The following CBR4 variants were observed in gnomAD, a reference collection of about 807,000 sequenced individuals.
CBR4 encodes the protein carbonyl reductase 4.
Under a neutral mutation model 21.0 loss-of-function variants are expected in CBR4, and 22 were observed. The ratio of observed to expected loss-of-function variants is 1.05; its 90% CI spans 0.75 to 1.50. CBR4 has a LOEUF of 1.50. Among genes scored for constraint, CBR4 ranks in the 40% most tolerant of loss-of-function variants. The probability of loss-of-function intolerance (pLI) is 0.00; values close to 1 mark genes in which losing one functional copy is unlikely to be tolerated. For synonymous variants in CBR4, 100 were observed against 104.4 expected (o/e 0.96, Z 0.26); for missense variants, 302 against 286.3 (o/e 1.05, Z -0.40).
chr4:169,008,953 T>G (rs1173744809), intron 1 of CBR4: 1 of 454,696 alleles, frequency 2.2e-6, no homozygotes, highest in Non-Finnish European at 4.4e-6. Flanking sequence ...CAGCCACACC[T>G]GGCGTCTATA....
At chr4:168,916,125 A>C (rs1225731727) in intron 2 of CBR4, 1 of 1,221,130 alleles carries the variant, frequency 8.2e-7, no homozygotes, top group Non-Finnish European at 1.2e-6. Context: ...TAAAGTATAA[A>C]ATGAGAGCTG....
downstream of CBR4, among the ~76,000 whole-genome samples, chr4:168,986,043 A>G (rs1413722968): frequency 6.6e-6 from 1 of 151,526 alleles, no homozygotes; most frequent in Non-Finnish European, 1.5e-5. Context: ...CTACATATGT[A>G]CCCCCTAAAT....
chr4:168,999,485 G>T (rs186863571), intron 4 of CBR4, among the ~76,000 whole-genome samples: 2 of 151,770 alleles, frequency 1.3e-5, no homozygotes, highest in East Asian at 3.9e-4. Flanking sequence ...ATACATAAAG[G>T]CCACTCTATT....
intron 4 of CBR4, 141 bp downstream of exon 4, chr4:169,001,930 T>C: frequency 1.2e-6 from 1 of 839,868 alleles, no homozygotes; most frequent in Non-Finnish European, 1.7e-6. Context: ...TTTTTTTGAG[T>C]CCCCCAGTTC....
chr4:168,941,501 T>G (rs1763263859), intron 2 of CBR4, among the ~76,000 whole-genome samples: 1 of 151,902 alleles, frequency 6.6e-6, no homozygotes, highest in South Asian at 2.1e-4. Context: ...AAATTCAACA[T>G]CCCTCTACAC....
At chr4:168,945,079 C>T (rs1406969447) in intron 2 of CBR4, among the ~76,000 whole-genome samples, 5 of 152,158 alleles carry the variant, frequency 3.3e-5, no homozygotes, top group Admixed American at 6.5e-5. Flanking sequence ...TTAAGGTTAG[C>T]TCCTGTATAC....
intron 4 of CBR4, among the ~76,000 whole-genome samples, chr4:168,990,662 T>C (rs1038782289): frequency 9.9e-5 from 15 of 151,958 alleles, no homozygotes; most frequent in Non-Finnish European, 2.1e-4. Context: ...ACTCAAGGGA[T>C]CGGCCCACCT....
At chr4:168,977,654 A>G (rs1286701363) in intron 2 of CBR4, among the ~76,000 whole-genome samples, 1 of 152,156 alleles carries the variant, frequency 6.6e-6, no homozygotes, top group Non-Finnish European at 1.5e-5. Flanking sequence ...TCTGACCCAT[A>G]CATACTTGAT....
At chr4:168,903,174 G>C (rs975569074) in intron 2 of CBR4, among the ~76,000 whole-genome samples, 1 of 152,064 alleles carries the variant, frequency 6.6e-6, no homozygotes. Context: ...TTTAACCTTT[G>C]ATCATATGCT....
downstream of CBR4, among the ~76,000 whole-genome samples, chr4:168,984,990 A>G (rs115957990): frequency 4.4e-3 from 668 of 152,338 alleles, 6 homozygotes; most frequent in African/African-American, 0.015. Context: ...ACCATTCTGG[A>G]CATGGGCCCA....
Position 168,916,740 on chromosome 4 carries a change from G to A in CBR4, n.170-21975C>T, listed in dbSNP as rs1007592516. Among the ~76,000 whole-genome samples, 6 of 145,000 alleles carry A rather than the reference G, an allele frequency of 4.1e-5. No individual in the cohort carries two copies. In the Middle Eastern group the frequency reaches 0.011, roughly 271 times the overall value. ...TCTGTCACCAGGCTGGAGTGCAGTG[G>A]TGCAATCTCGGCTCGCTGCAACCTC... is the stretch of plus-strand genomic sequence containing the variant. On this transcript the variant is annotated intron_variant and non_coding_transcript_variant, in intron 2 of 3. Transcript: ENST00000509108.
At chr4:168,926,516 A>ATAT (rs35986961) in intron 2 of CBR4, 5 of 651,080 alleles carry the variant, frequency 7.7e-6, no homozygotes, top group Admixed American at 6.2e-5. Context: ...CACCAAAATA[A>ATAT]TATTTTTCTT....
intron 1 of CBR4, chr4:169,009,058 T>TAA: frequency 3.7e-6 from 1 of 267,316 alleles, no homozygotes; most frequent in Admixed American, 5.6e-5. Flanking sequence ...GGAAGCCCTC[T>TAA]CAAAAAAAAA....
intron 2 of CBR4, among the ~76,000 whole-genome samples, chr4:168,957,889 G>T (rs1469637114): frequency 2.0e-5 from 3 of 152,086 alleles, no homozygotes; most frequent in African/African-American, 7.2e-5. Context: ...AGATCTGATG[G>T]TTTTATAAGG....
intron 2 of CBR4, chr4:168,927,427 A>G (rs1424423009): frequency 8.6e-6 from 2 of 232,680 alleles, no homozygotes; most frequent in Non-Finnish European, 8.5e-6. Flanking sequence ...TGGAGATTGC[A>G]GTGTGTCTGA....
At chr4:168,944,815 T>C (rs1763359065) in intron 2 of CBR4, among the ~76,000 whole-genome samples, 1 of 152,016 alleles carries the variant, frequency 6.6e-6, no homozygotes, top group Non-Finnish European at 1.5e-5. Flanking sequence ...TCCTATGTGG[T>C]CTAGTTTTCA....
chr4:168,998,034 A>ATC (rs1448620067), intron 4 of CBR4, among the ~76,000 whole-genome samples: 2 of 152,214 alleles, frequency 1.3e-5, no homozygotes, highest in African/African-American at 2.4e-5. Context: ...AACACTTAGA[A>ATC]TATCTTCTCT....
downstream of CBR4, among the ~76,000 whole-genome samples, chr4:168,986,939 C>A (rs1304771186): frequency 1.3e-5 from 2 of 152,118 alleles, no homozygotes; most frequent in Non-Finnish European, 2.9e-5. Flanking sequence ...AAAACCCTAT[C>A]TCAAAATAAA....
rs138608314 is a variant in CBR4, at chr4:168,968,602, A to T, written n.169+33469T>A. Among the ~76,000 whole-genome samples the T allele has an allele frequency of 2.6e-5, 4 of 152,224 alleles. No homozygotes were observed. In the South Asian group the frequency reaches 8.3e-4, roughly 32 times the overall value. ...ATCTAGTCAAGATACCGTTTCTGGT[A>T]TAGCAGCTGTGGCCAGGAAATTGCT... On this transcript the variant is annotated intron_variant and non_coding_transcript_variant, in intron 2 of 3. Coordinates refer to the CBR4 transcript ENST00000509108.
Sources: gnomAD v4.1 joint callset for allele counts (sites outside exome capture counted in the v4.1 genomes callset) on GRCh38, gnomAD v4.1.1 for gene constraint, MANE v1.5 for transcripts, NCBI Gene and HGNC (gene_info 2026-07-23, HGNC 2026-07-21) for gene names.